The following ZBTB46 variants were observed in gnomAD, a reference collection of about 807,000 sequenced individuals.
ZBTB46 encodes the protein zinc finger and BTB domain-containing protein 46.
A neutral mutation model predicts 44.1 loss-of-function variants in ZBTB46; 8 were observed. The ratio of observed to expected loss-of-function variants is 0.18; its 90% CI spans 0.11 to 0.33. The LOEUF is 0.33. Among genes scored for constraint, ZBTB46 ranks in the 10% least tolerant of loss-of-function variants. ZBTB46 has a pLI of 1.00. For missense variants in ZBTB46, 651 were observed against 847.7 expected (o/e 0.77, Z 2.88); for synonymous variants, 409 against 382.3 (o/e 1.07, Z -0.81).
chr20:63,777,493 A>G (rs2092435486), intron 2 of ZBTB46, among the ~76,000 whole-genome samples: 1 of 152,124 alleles, frequency 6.6e-6, no homozygotes, highest in Non-Finnish European at 1.5e-5. Context: ...AAGATCAGAT[A>G]ATATTGGCAA....
Position 63,788,497 on chromosome 20 carries a change from G to A in ZBTB46, c.937+1324C>T, listed in dbSNP as rs151212016. On this transcript the variant is annotated intron_variant, in intron 2 of 4. Transcript: ENST00000245663. The stretch of plus-strand genomic sequence containing the variant: ...GAGCTAAGCTCAGAGCCCCTTTGCA[G>A]TGAGTAATAGGCAGGACCCAAGGGG... Among the ~76,000 whole-genome samples, 42 of 152,332 alleles carry A rather than the reference G, an allele frequency of 2.8e-4. No homozygotes were observed. In the East Asian group the frequency reaches 4.6e-3, roughly 17 times the overall value.
At chr20:63,823,858 T>TTGTATGTGTGTGTG (rs1555859085) in intron 1 of ZBTB46, among the ~76,000 whole-genome samples, 1 of 144,718 alleles carries the variant, frequency 6.9e-6, no homozygotes, top group African/African-American at 2.6e-5. Context: ...TCTAGGAACC[T>TTGTATGTGTGTGTG]TGTGTGTGTG....
rs201650942 is a variant in ZBTB46 at position 63,820,441 on chromosome 20, A to AT, written c.-34+10655dup. 7.8e-3 allele frequency among the ~76,000 whole-genome samples: 1,162 copies of AT among 149,110 alleles called. 12 individuals carry two copies. The highest frequency in any genetic ancestry group is 0.027 in the African/African-American group (1,082 of 40,150). On this transcript the variant is annotated intron_variant, in intron 1 of 4. Transcript: ENST00000245663. ...TTTTTAAGAAGTATATTATATATAT[A>AT]TATTTTTTTTTTGAGACAGAGTTTT...
At chr20:63,768,146 C>T in intron 3 of ZBTB46, 1 of 984,922 alleles carries the variant, frequency 1.0e-6, no homozygotes, top group Non-Finnish European at 1.2e-6. Flanking sequence ...AATTAATTCT[C>T]AATAAAGAGA....
chr20:63,779,406 A>ATTTTTT (rs59166121), intron 2 of ZBTB46, among the ~76,000 whole-genome samples: 4 of 105,570 alleles, frequency 3.8e-5, no homozygotes, highest in African/African-American at 8.0e-5. Context: ...ACGCCGGCTA[A>ATTTTTT]TTTTTTTTTT....
chr20:63,782,429 C>T (rs1273285448), intron 2 of ZBTB46, among the ~76,000 whole-genome samples: 2 of 152,184 alleles, frequency 1.3e-5, no homozygotes, highest in South Asian at 2.1e-4. Context: ...AGAAGAGGCA[C>T]ATGGACTCCC....
At chr20:63,814,345 C>T (rs1178104176) in intron 1 of ZBTB46, among the ~76,000 whole-genome samples, 3 of 151,986 alleles carry the variant, frequency 2.0e-5, no homozygotes, top group African/African-American at 2.4e-5. Context: ...CGCAGCCAGG[C>T]GACGTGGACG....
chr20:63,802,774 TC>T (rs1322877104), intron 1 of ZBTB46, among the ~76,000 whole-genome samples: 1 of 86,864 alleles, frequency 1.2e-5, no homozygotes, highest in Non-Finnish European at 2.2e-5. Context: ...CCCAGCACCC[TC>T]CCAGGAACCG....
At chr20:63,762,591 T>C (rs1036935284) in intron 3 of ZBTB46, among the ~76,000 whole-genome samples, 2 of 152,034 alleles carry the variant, frequency 1.3e-5, no homozygotes, top group African/African-American at 2.4e-5. Flanking sequence ...GAGACAGAGG[T>C]TGCAGTGAGC....
At chr20:63,763,495 G>A (rs1293463410) in intron 3 of ZBTB46, among the ~76,000 whole-genome samples, 1 of 152,150 alleles carries the variant, frequency 6.6e-6, no homozygotes, top group African/African-American at 2.4e-5. Context: ...GGGAGCGAGC[G>A]TTTCACAGGA....
At chr20:63,819,306 C>T (rs988769242) in intron 1 of ZBTB46, among the ~76,000 whole-genome samples, 1 of 152,146 alleles carries the variant, frequency 6.6e-6, no homozygotes, top group Non-Finnish European at 1.5e-5. Context: ...AGAGCGCACC[C>T]GGGATGCTAA....
intron 3 of ZBTB46, among the ~76,000 whole-genome samples, chr20:63,769,568 G>T (rs900754728): frequency 6.7e-6 from 1 of 149,992 alleles, no homozygotes; most frequent in East Asian, 2.0e-4. Flanking sequence ...AATGCCCGAG[G>T]TCTCCACCCA....
Position 63,795,005 on chromosome 20 carries a change from G to A in ZBTB46, c.-33-4215C>T, listed in dbSNP as rs1022713560. ...ATCCACACTGGGGCACAGGTGCCAAGTCTCCAAAGAGTGGGTGCTGCGGGC... is the reference window on the plus strand; with the variant it reads ...ATCCACACTGGGGCACAGGTGCCAAATCTCCAAAGAGTGGGTGCTGCGGGC... On this transcript the variant is annotated intron_variant, in intron 1 of 4. Transcript: ENST00000245663. Among the ~76,000 whole-genome samples the A allele has an allele frequency of 1.4e-4, 21 of 152,194 alleles. 1 individual carries two copies. The highest frequency in any genetic ancestry group is 2.1e-4 in the Non-Finnish European group (14 of 68,046).
At chr20:63,828,839 C>A (rs1385408759) in intron 1 of ZBTB46, among the ~76,000 whole-genome samples, 1 of 152,248 alleles carries the variant, frequency 6.6e-6, no homozygotes, top group Non-Finnish European at 1.5e-5. Flanking sequence ...AGGCACCGTG[C>A]ACGAAGTGGG....
At chr20:63,747,510 C>CAGGGCCTGGTGGGTGGGGGGGCGGGG (rs1213238060) in intron 4 of ZBTB46, among the ~76,000 whole-genome samples, 3 of 18,416 alleles carry the variant, frequency 1.6e-4, no homozygotes, top group African/African-American at 5.8e-4. Flanking sequence ...GGGAGGGGGG[C>CAGGGCCTGGTGGGTGGGGGGGCGGGG]CAGGGGGTGA....
At chr20:63,770,620 C>T (rs1169794165) in intron 3 of ZBTB46, among the ~76,000 whole-genome samples, 1 of 152,204 alleles carries the variant, frequency 6.6e-6, no homozygotes, top group Admixed American at 6.5e-5. Flanking sequence ...TGGCCTGCTG[C>T]CTGCATATTT....
intron 3 of ZBTB46, chr20:63,775,442 C>A (rs1354264508): frequency 8.8e-6 from 4 of 454,508 alleles, no homozygotes; most frequent in Non-Finnish European, 1.5e-5. Flanking sequence ...TGCTCCCCTG[C>A]CCGCCGCGCT....
rs1360427008 is a variant in ZBTB46, at chr20:63,743,715, G to A, written c.*3215C>T. 6.6e-6 allele frequency: 1 copy of A among 152,400 alleles called. No individual in the cohort carries two copies. The highest frequency in any genetic ancestry group is 1.5e-5 in the Non-Finnish European group (1 of 68,060). 9.4% of individuals were successfully genotyped at this position (152,400 alleles called of 1,614,324 possible). A position where few individuals can be genotyped will look rare whatever the true frequency, so the allele number is the denominator to read the frequency against. ...TTATTGAAAGTGATCGCTTTGCAAG[G>A]ATGTCTAAGCTAATCCCGTCACAGA... On this transcript the variant is annotated 3_prime_UTR_variant, in exon 5 of 5. Transcript: ENST00000245663.
intron 3 of ZBTB46, among the ~76,000 whole-genome samples, chr20:63,760,999 CT>C (rs372831458): frequency 0.011 from 1,355 of 127,804 alleles, 28 homozygotes; most frequent in African/African-American, 0.03. Flanking sequence ...ATTGATAGCT[CT>C]TTTTTTTTTT....
Sources: allele counts gnomAD v4.1 joint callset (sites outside exome capture counted in the v4.1 genomes callset), GRCh38; gene constraint gnomAD v4.1.1; transcripts MANE v1.5; gene names NCBI Gene and HGNC (gene_info 2026-07-23, HGNC 2026-07-21).